MMP16: variants seen among roughly 807,000 people sequenced by gnomAD.
The protein encoded by MMP16 is matrix metalloproteinase-16.
In MMP16, 12 loss-of-function variants were observed where a neutral mutation model predicts 67.8. The observed-to-expected ratio is 0.18, with a 90% confidence interval of 0.11 to 0.29. The LOEUF (loss-of-function observed/expected upper bound fraction) is 0.29, where lower values mean the gene tolerates loss of function less well. Ranked by LOEUF, MMP16 falls within the 10% of genes least tolerant of loss-of-function variation. The probability of loss-of-function intolerance (pLI) is 1.00; values close to 1 mark genes in which losing one functional copy is unlikely to be tolerated. For missense variants in MMP16, 475 were observed against 765.7 expected (o/e 0.62, Z 4.48); for synonymous variants, 249 against 255.9 (o/e 0.97, Z 0.26).
intron 1 of MMP16, among the ~76,000 whole-genome samples, chr8:88,278,007 T>G (rs1400215740): frequency 2.0e-5 from 3 of 152,184 alleles, no homozygotes; most frequent in African/African-American, 7.2e-5. Flanking sequence ...TGAGTAAGGC[T>G]CTAATGCTAG....
At chr8:88,176,313 G>A (rs1298089673) in intron 3 of MMP16, among the ~76,000 whole-genome samples, 1 of 152,204 alleles carries the variant, frequency 6.6e-6, no homozygotes, top group Non-Finnish European at 1.5e-5. Flanking sequence ...AACACAGAAT[G>A]AGTGAAATTA....
chr8:88,303,283 A>G (rs1811158771), intron 1 of MMP16, among the ~76,000 whole-genome samples: 1 of 152,172 alleles, frequency 6.6e-6, no homozygotes, highest in African/African-American at 2.4e-5. Context: ...AATTCTCTCA[A>G]GCCAGCGATG....
intron 3 of MMP16, among the ~76,000 whole-genome samples, chr8:88,170,843 G>A (rs144207036): frequency 1.3e-5 from 2 of 152,036 alleles, no homozygotes; most frequent in Admixed American, 1.3e-4. Context: ...TGTGTCTGAT[G>A]GAAAAATGGA....
At chr8:88,111,290 T>C (rs1041048807) in intron 6 of MMP16, among the ~76,000 whole-genome samples, 1 of 151,774 alleles carries the variant, frequency 6.6e-6, no homozygotes, top group Non-Finnish European at 1.5e-5. Context: ...TCTACACATA[T>C]TGCAGTTCCT....
chr8:88,166,144 T>TTAA (rs1296838479), intron 4 of MMP16, among the ~76,000 whole-genome samples: 2 of 152,108 alleles, frequency 1.3e-5, no homozygotes, highest in African/African-American at 4.8e-5. Flanking sequence ...TGCAAGGCTA[T>TTAA]TAATTACACT....
At chr8:88,113,809 C>A (rs1809382761) in intron 6 of MMP16, among the ~76,000 whole-genome samples, 2 of 151,902 alleles carry the variant, frequency 1.3e-5, no homozygotes, top group Admixed American at 1.3e-4. Flanking sequence ...TGCAAGAAAC[C>A]CAAGTGTAGC....
chr8:88,262,238 A>G (rs1270908028), intron 1 of MMP16, among the ~76,000 whole-genome samples: 2 of 152,244 alleles, frequency 1.3e-5, no homozygotes, highest in Non-Finnish European at 2.9e-5. Context: ...GGGCACAGGA[A>G]ATTTTATCAA....
At chr8:88,088,735 T>G (rs955296998) in intron 6 of MMP16, among the ~76,000 whole-genome samples, 6 of 152,090 alleles carry the variant, frequency 3.9e-5, no homozygotes, top group African/African-American at 1.4e-4. Context: ...CTGCCCTTCT[T>G]TACACTCAAG....
At chr8:88,162,515 G>A (rs1808645015) in intron 4 of MMP16, among the ~76,000 whole-genome samples, 1 of 152,006 alleles carries the variant, frequency 6.6e-6, no homozygotes. Context: ...TAAAGTCCTT[G>A]ACTGTCCATA....
chr8:88,206,991 G>A (rs1025324376), intron 1 of MMP16, among the ~76,000 whole-genome samples: 2 of 152,102 alleles, frequency 1.3e-5, no homozygotes, highest in Non-Finnish European at 2.9e-5. Context: ...ATTAAATACA[G>A]TGGAAAATTT....
chr8:88,300,975 T>C (rs760088142), intron 1 of MMP16, among the ~76,000 whole-genome samples: 4 of 152,198 alleles, frequency 2.6e-5, no homozygotes, highest in East Asian at 1.9e-4. Context: ...TTTCTATGCA[T>C]GTGTTTAGAG....
rs367547935 is a variant in MMP16 at position 88,293,166 on chromosome 8, TAAAAG to T, written c.132+33904_132+33908del. Among the ~76,000 whole-genome samples, 138 of 152,314 alleles carry T rather than the reference TAAAAG, an allele frequency of 9.1e-4. 1 individual carries two copies. The highest frequency in any genetic ancestry group is 2.9e-3 in the South Asian group (14 of 4,832). ...GTACATCTTGATTATTTTAAATAGA[TAAAAG>T]AGAATGAGTTGAAACTCCTAACACT... On this transcript the variant is annotated intron_variant, in intron 1 of 9. Coordinates refer to ENST00000286614, the MANE Select transcript of MMP16 (RefSeq NM_005941.5).
chr8:88,289,565 T>C (rs1448350859), intron 1 of MMP16, among the ~76,000 whole-genome samples: 2 of 152,126 alleles, frequency 1.3e-5, no homozygotes, highest in Non-Finnish European at 2.9e-5. Context: ...AGTCATTTCA[T>C]ACAAAAATTT....
intron 1 of MMP16, among the ~76,000 whole-genome samples, chr8:88,271,447 A>G (rs1810560382): frequency 6.6e-6 from 1 of 151,914 alleles, no homozygotes; most frequent in Non-Finnish European, 1.5e-5. Flanking sequence ...ACAATGTGTG[A>G]CTCATATCAG....
At chr8:88,105,351 A>C (rs2118392613) in intron 6 of MMP16, among the ~76,000 whole-genome samples, 1 of 151,566 alleles carries the variant, frequency 6.6e-6, no homozygotes, top group Admixed American at 6.6e-5. Context: ...TGGGGTTAGT[A>C]ATTGGAAAAC....
intron 4 of MMP16, among the ~76,000 whole-genome samples, chr8:88,166,775 A>G (rs946719739): frequency 1.4e-5 from 2 of 147,312 alleles, no homozygotes; most frequent in African/African-American, 5.0e-5. Flanking sequence ...TGTTTAAAAA[A>G]CAGACCCAGG....
At chr8:88,123,484 A>C (rs560153223) in intron 4 of MMP16, among the ~76,000 whole-genome samples, 55 of 151,892 alleles carry the variant, frequency 3.6e-4, no homozygotes, top group Middle Eastern at 3.4e-3. Context: ...CGCTGAAAAG[A>C]GGGCCACTCT....
chr8:88,324,446 G>C (rs183608445), intron 1 of MMP16, among the ~76,000 whole-genome samples: 1 of 151,998 alleles, frequency 6.6e-6, no homozygotes, highest in African/African-American at 2.4e-5. Context: ...AGAATGGGGG[G>C]ACCACAAATT....
chr8:88,137,549 T>A (rs1425362049), intron 4 of MMP16, among the ~76,000 whole-genome samples: 1 of 152,048 alleles, frequency 6.6e-6, no homozygotes, highest in East Asian at 1.9e-4. Context: ...AGTTTTACTA[T>A]GACATGTCTG....
Sources: gnomAD v4.1 joint callset for allele counts (sites outside exome capture counted in the v4.1 genomes callset) on GRCh38, gnomAD v4.1.1 for gene constraint, MANE v1.5 for transcripts, NCBI Gene and HGNC (gene_info 2026-07-23, HGNC 2026-07-21) for gene names.